RUNX2: variants seen among roughly 807,000 people sequenced by gnomAD.
The protein encoded by RUNX2 is RUNX family transcription factor 2.
Under a neutral mutation model 51.7 loss-of-function variants are expected in RUNX2, and 10 were observed. The ratio of observed to expected loss-of-function variants is 0.19; its 90% CI spans 0.12 to 0.33. RUNX2 has a LOEUF of 0.33. RUNX2 is among the 10% of genes least tolerant of loss of function. RUNX2 has a pLI of 1.00. For synonymous variants in RUNX2, 276 were observed against 273.6 expected, an observed-to-expected ratio of 1.01 and a Z score of -0.09; for missense variants, 562 against 691.3, an observed-to-expected ratio of 0.81 and a Z score of 2.10.
At chr6:45,486,118 A>G (rs139874696) in intron 5 of RUNX2, among the ~76,000 whole-genome samples, 115 of 152,308 alleles carry the variant, frequency 7.6e-4, no homozygotes, top group African/African-American at 2.6e-3. Flanking sequence ...CTTCTGAATA[A>G]GAAGGACATT....
chr6:45,514,384 G>T (rs929457763), intron 7 of RUNX2, among the ~76,000 whole-genome samples: 1 of 152,146 alleles, frequency 6.6e-6, no homozygotes, highest in African/African-American at 2.4e-5. Context: ...AGGGAGGCAG[G>T]AGCAGAAACT....
intron 6 of RUNX2, among the ~76,000 whole-genome samples, chr6:45,502,650 C>T (rs1035691193): frequency 6.6e-6 from 1 of 152,162 alleles, no homozygotes; most frequent in African/African-American, 2.4e-5. Flanking sequence ...CTGAGTGCAG[C>T]CCCTGGACTC....
intron 5 of RUNX2, among the ~76,000 whole-genome samples, chr6:45,479,875 C>T (rs893371638): frequency 6.6e-6 from 1 of 152,210 alleles, no homozygotes; most frequent in African/African-American, 2.4e-5. Context: ...AACTTGCTAT[C>T]TTCTAACTCC....
At chr6:45,517,496 A>G (rs969643707) in intron 7 of RUNX2, among the ~76,000 whole-genome samples, 3 of 152,092 alleles carry the variant, frequency 2.0e-5, no homozygotes, top group Non-Finnish European at 2.9e-5. Flanking sequence ...GATTGTATGG[A>G]AGATTCTTCT....
At chr6:45,348,845 T>A (rs1197687146) in intron 2 of RUNX2, among the ~76,000 whole-genome samples, 2 of 152,208 alleles carry the variant, frequency 1.3e-5, no homozygotes, top group African/African-American at 4.8e-5. Flanking sequence ...ATGTTTCAGC[T>A]TAAATGAACT....
intron 2 of RUNX2, among the ~76,000 whole-genome samples, chr6:45,350,940 G>C (rs1159827960): frequency 6.6e-6 from 1 of 152,106 alleles, no homozygotes; most frequent in Non-Finnish European, 1.5e-5. Context: ...GCTCTACCTC[G>C]TGTCAGATCA....
intron 5 of RUNX2, among the ~76,000 whole-genome samples, chr6:45,450,336 CT>C (rs892044230): frequency 2.0e-5 from 3 of 151,840 alleles, no homozygotes; most frequent in African/African-American, 4.8e-5. Flanking sequence ...CTGACAGAGC[CT>C]TTTTTTTGGT....
intron 2 of RUNX2, among the ~76,000 whole-genome samples, chr6:45,370,583 G>A (rs1342428920): frequency 6.6e-6 from 1 of 152,032 alleles, no homozygotes; most frequent in African/African-American, 2.4e-5. Context: ...AGGATATAAG[G>A]ATCAACTAAT....
At chr6:45,356,793 A>G (rs1279760810) in intron 2 of RUNX2, among the ~76,000 whole-genome samples, 2 of 152,164 alleles carry the variant, frequency 1.3e-5, no homozygotes, top group African/African-American at 4.8e-5. Context: ...AAACTTAACT[A>G]TCATGGGACT....
chr6:45,495,531 A>T (rs191550187), intron 6 of RUNX2, among the ~76,000 whole-genome samples: 1 of 152,314 alleles, frequency 6.6e-6, no homozygotes, highest in East Asian at 1.9e-4. Context: ...CTTCTTTGCA[A>T]TATGCCATAT....
At chr6:45,541,185 C>G (rs1363349526) in intron 7 of RUNX2, among the ~76,000 whole-genome samples, 1 of 151,642 alleles carries the variant, frequency 6.6e-6, no homozygotes, top group African/African-American at 2.4e-5. Flanking sequence ...TTCATTTTAG[C>G]CTCTTACAAT....
At chr6:45,436,519 C>G (rs1461977797) in intron 4 of RUNX2, among the ~76,000 whole-genome samples, 1 of 152,132 alleles carries the variant, frequency 6.6e-6, no homozygotes, top group East Asian at 1.9e-4. Context: ...TCACCTTTCC[C>G]TATTCAAACT....
chr6:45,384,328 T>A (rs1044121537), intron 2 of RUNX2, among the ~76,000 whole-genome samples: 4 of 152,010 alleles, frequency 2.6e-5, no homozygotes, highest in Non-Finnish European at 5.9e-5. Flanking sequence ...CTCCATTGCC[T>A]GGGCTGAGTG....
intron 2 of RUNX2, among the ~76,000 whole-genome samples, chr6:45,344,569 G>A (rs567720219): frequency 3.3e-5 from 5 of 151,880 alleles, no homozygotes; most frequent in South Asian, 4.2e-4. Context: ...ACTGCTTTAC[G>A]ATATGCACAA....
At chr6:45,489,120 T>C (rs886728308) in intron 5 of RUNX2, among the ~76,000 whole-genome samples, 4 of 152,210 alleles carry the variant, frequency 2.6e-5, no homozygotes, top group African/African-American at 9.6e-5. Flanking sequence ...CATTTTGTTG[T>C]GGTTGCAGTG....
In RUNX2 at chr6:45,549,347, G is replaced by A; in HGVS notation, c.*2042G>A. 2.5e-6 allele frequency: 1 copy of A among 398,540 alleles called. No homozygotes were observed. The highest frequency in any genetic ancestry group is 4.4e-6 in the Non-Finnish European group (1 of 226,052). The allele number at this position is 398,540 out of a possible 1,614,324, so 24.7% of individuals were successfully genotyped here. ...CCTTTGTAGGCCACCCAGCATTGCAGGACAGCGTGTGGGGCAGCTGGACCT... is the reference window on the plus strand; with the variant it reads ...CCTTTGTAGGCCACCCAGCATTGCAAGACAGCGTGTGGGGCAGCTGGACCT... On this transcript the variant is annotated 3_prime_UTR_variant, in exon 9 of 9. Coordinates refer to ENST00000647337, the MANE Select transcript of RUNX2 (RefSeq NM_001024630.4).
chr6:45,472,251 T>A (rs1429859709), intron 5 of RUNX2, among the ~76,000 whole-genome samples: 1 of 152,162 alleles, frequency 6.6e-6, no homozygotes, highest in African/African-American at 2.4e-5. Flanking sequence ...GAAAGGAAAG[T>A]GAGCAGAGGG....
intron 2 of RUNX2, among the ~76,000 whole-genome samples, chr6:45,332,074 T>C (rs1376160722): frequency 1.3e-5 from 2 of 151,976 alleles, no homozygotes; most frequent in African/African-American, 4.8e-5. Context: ...TGTACTCCAA[T>C]ACTTTAAAGC....
chr6:45,461,062 G>A (rs1799462975), intron 5 of RUNX2, among the ~76,000 whole-genome samples: 1 of 152,232 alleles, frequency 6.6e-6, no homozygotes, highest in African/African-American at 2.4e-5. Flanking sequence ...TACAGGCACA[G>A]GGAAGGGAAA....
Sources: gnomAD v4.1 joint callset for allele counts (sites outside exome capture counted in the v4.1 genomes callset) on GRCh38, gnomAD v4.1.1 for gene constraint, MANE v1.5 for transcripts, NCBI Gene and HGNC (gene_info 2026-07-23, HGNC 2026-07-21) for gene names.